The following PLA2G4E variants were observed in gnomAD, a reference collection of about 807,000 sequenced individuals.
PLA2G4E encodes phospholipase A2 group IVE.
Under a neutral mutation model 109.1 loss-of-function variants are expected in PLA2G4E, and 84 were observed. The ratio of observed to expected loss-of-function variants is 0.77; its 90% CI spans 0.65 to 0.92. The LOEUF is 0.92. Ranked by LOEUF, PLA2G4E falls within the 40% of genes least tolerant of loss-of-function variation. The pLI is 0.00. For missense variants in PLA2G4E, 1,057 were observed against 1,076.6 expected (o/e 0.98, Z 0.25); for synonymous variants, 469 against 436.1 (o/e 1.08, Z -0.94).
At chr15:42,010,089 C>T in intron 2 of PLA2G4E, 1 of 508,992 alleles carries the variant, frequency 2.0e-6, no homozygotes, top group Non-Finnish European at 4.0e-6. Context: ...CAGGAACCTG[C>T]TCAGCCCTCT....
At chr15:42,050,688 A>G in exon 1 of PLA2G4E, 1 of 1,550,252 alleles carries the variant, frequency 6.5e-7, no homozygotes, top group Non-Finnish European at 8.7e-7. Context: ...CAGCCTTCCG[A>G]GGCCTGGAGA....
intron 2 of PLA2G4E, among the ~76,000 whole-genome samples, chr15:42,009,424 T>G (rs1240499487): frequency 6.6e-6 from 1 of 152,218 alleles, no homozygotes; most frequent in African/African-American, 2.4e-5. Flanking sequence ...TCCCATCTCC[T>G]GTCTTGCCCC....
exon 20 of PLA2G4E, chr15:41,982,215 T>C (rs1204449842): frequency 6.6e-6 from 1 of 152,242 alleles, no homozygotes; most frequent in Admixed American, 6.5e-5. Flanking sequence ...TTGCTGGGTT[T>C]CCTGCAGACC....
chr15:42,033,007 T>C (rs1889141891), intron 1 of PLA2G4E, among the ~76,000 whole-genome samples: 1 of 152,024 alleles, frequency 6.6e-6, no homozygotes, highest in African/African-American at 2.4e-5. Flanking sequence ...GGTATGTATG[T>C]GAGTATGCTG....
chr15:42,012,049 A>C (rs2068541576), intron 2 of PLA2G4E, among the ~76,000 whole-genome samples: 2 of 152,180 alleles, frequency 1.3e-5, no homozygotes, highest in Admixed American at 1.3e-4. Flanking sequence ...AGGCTACTGG[A>C]GCCACTCCTG....
At chr15:41,988,259 G>T in intron 15 of PLA2G4E, 103 bp from the exon 16 acceptor site, 1 of 754,840 alleles carries the variant, frequency 1.3e-6, no homozygotes, top group Non-Finnish European at 2.0e-6. Flanking sequence ...ACGCAAGCCA[G>T]GCTGCTCCAC....
Position 42,013,882 on chromosome 15 carries a change from G to GTTT in PLA2G4E, c.184-128_184-126dup, listed in dbSNP as rs10539531. 531 of 134,206 alleles carry GTTT rather than the reference G, an allele frequency of 4.0e-3. 32 individuals are homozygous for GTTT. Among genetic ancestry groups the GTTT allele is most frequent in the African/African-American group, 0.018 (284 of 15,686 alleles). 8.3% of individuals were successfully genotyped at this position (134,206 alleles called of 1,614,324 possible). A position where few individuals can be genotyped will look rare whatever the true frequency, so the allele number is the denominator to read the frequency against. ...TTGCATTACAACAACCCCTAGGCTG[G>GTTT]TTTTTTTTTTTTTTTTTTTTTTTTT... On this transcript the variant is annotated intron_variant, in intron 1 of 19. Coordinates refer to ENST00000399518, the Ensembl canonical transcript of PLA2G4E.
chr15:41,995,518 C>A (rs995089302), intron 11 of PLA2G4E, 22 bp from the exon 12 acceptor site: 5 of 1,608,568 alleles, frequency 3.1e-6, no homozygotes, highest in Non-Finnish European at 3.4e-6. Flanking sequence ...CAGAGGCAGG[C>A]GGTTGGGGAA....
intron 2 of PLA2G4E, among the ~76,000 whole-genome samples, chr15:42,011,033 A>G (rs2068530453): frequency 6.6e-6 from 1 of 152,286 alleles, no homozygotes; most frequent in Admixed American, 6.5e-5. Context: ...GCAAGGTAGC[A>G]ACACAGCCCA....
exon 8 of PLA2G4E, chr15:42,000,116 G>A (rs1055426643): frequency 3.1e-6 from 5 of 1,589,168 alleles, no homozygotes; most frequent in African/African-American, 2.7e-5. Flanking sequence ...CACAGCTCCA[G>A]TGACTCTTGG....
At chr15:42,016,298 A>G (rs1056899477) in intron 1 of PLA2G4E, among the ~76,000 whole-genome samples, 2 of 130,030 alleles carry the variant, frequency 1.5e-5, no homozygotes, top group Non-Finnish European at 3.1e-5. Context: ...TTGGCTAGGG[A>G]ATCTTTTGAT....
At chr15:41,987,288 T>A (rs377526076) in exon 17 of PLA2G4E, 1 of 1,613,866 alleles carries the variant, frequency 6.2e-7, no homozygotes, top group East Asian at 2.2e-5. Flanking sequence ...TCGGAAAGAA[T>A]TGGACAGCCA....
intron 4 of PLA2G4E, 58 bp downstream of exon 4, chr15:42,005,932 G>T: frequency 6.4e-7 from 1 of 1,570,542 alleles, no homozygotes; most frequent in East Asian, 2.3e-5. Context: ...GTGGGAATCA[G>T]CAACAGCTAT....
At chr15:41,995,368 C>G in exon 12 of PLA2G4E, 1 of 1,613,226 alleles carries the variant, frequency 6.2e-7, no homozygotes, top group Non-Finnish European at 8.5e-7. Context: ...ACCAGGTGGC[C>G]CCTGATAGAC....
At chr15:42,002,264 C>CAAAGAAAA (rs2068428659) in intron 6 of PLA2G4E, among the ~76,000 whole-genome samples, 1 of 73,234 alleles carries the variant, frequency 1.4e-5, no homozygotes, top group African/African-American at 6.2e-5. Flanking sequence ...GACCTTGTCT[C>CAAAGAAAA]AAAAAAAAAA....
intron 2 of PLA2G4E, among the ~76,000 whole-genome samples, chr15:42,008,222 CG>C (rs1257869443): frequency 1.3e-5 from 2 of 152,204 alleles, no homozygotes; most frequent in Non-Finnish European, 2.9e-5. Context: ...CCCAAGGGTC[CG>C]GATTACTTCT....
chr15:42,044,431 G>A (rs1035932850), intron 1 of PLA2G4E, among the ~76,000 whole-genome samples: 3 of 152,092 alleles, frequency 2.0e-5, no homozygotes, highest in South Asian at 2.1e-4. Context: ...TCTGGGGCAC[G>A]GTGAGGAAGG....
At chr15:41,993,575 G>A (rs980935676) in intron 12 of PLA2G4E, among the ~76,000 whole-genome samples, 1 of 152,054 alleles carries the variant, frequency 6.6e-6, no homozygotes, top group African/African-American at 2.4e-5. Flanking sequence ...GTCGGGGGGA[G>A]CAAAACAAAG....
chr15:42,031,722 C>T (rs1889117444), intron 1 of PLA2G4E, among the ~76,000 whole-genome samples: 1 of 152,176 alleles, frequency 6.6e-6, no homozygotes, highest in African/African-American at 2.4e-5. Flanking sequence ...TGAGCCAGGG[C>T]ACCTCTCGGA....
Sources: allele counts gnomAD v4.1 joint callset (sites outside exome capture counted in the v4.1 genomes callset), GRCh38; gene constraint gnomAD v4.1.1; transcripts MANE v1.5; gene names NCBI Gene and HGNC (gene_info 2026-07-23, HGNC 2026-07-21).